Variants in UBAP2 observed in about 807,000 individuals in gnomAD.
UBAP2 encodes the protein ubiquitin-associated protein 2.
Under a neutral mutation model 139.6 loss-of-function variants are expected in UBAP2, and 75 were observed. That is an observed-to-expected ratio of 0.54 (90% CI 0.45 to 0.65). The LOEUF is 0.65. UBAP2 is among the 30% of genes least tolerant of loss of function. The probability of loss-of-function intolerance (pLI) is 0.00; values close to 1 mark genes in which losing one functional copy is unlikely to be tolerated. For missense variants in UBAP2, 1,368 were observed against 1,369.6 expected (o/e 1.00, Z 0.02); for synonymous variants, 526 against 526.2 (o/e 1.00, Z 0.01).
chr9:34,040,705 T>G (rs906399611), intron 1 of UBAP2, among the ~76,000 whole-genome samples: 1 of 152,204 alleles, frequency 6.6e-6, no homozygotes, highest in Non-Finnish European at 1.5e-5. Flanking sequence ...ACATAAAATG[T>G]TGGCAAGGAT....
intron 2 of UBAP2, among the ~76,000 whole-genome samples, chr9:34,009,068 C>G (rs1034821579): frequency 6.8e-6 from 1 of 148,088 alleles, no homozygotes; most frequent in African/African-American, 2.5e-5. Flanking sequence ...TAAAATTATT[C>G]CAAAATAATT....
At chr9:33,992,714 A>G (rs1472578605) in intron 4 of UBAP2, among the ~76,000 whole-genome samples, 1 of 152,076 alleles carries the variant, frequency 6.6e-6, no homozygotes, top group Non-Finnish European at 1.5e-5. Context: ...TTACAATACC[A>G]TAGTAACTGC....
chr9:33,977,594 T>G (rs114212719), intron 6 of UBAP2, among the ~76,000 whole-genome samples: 2 of 152,092 alleles, frequency 1.3e-5, no homozygotes, highest in African/African-American at 2.4e-5. Context: ...TAAACCATAT[T>G]ATGGTAAATG....
In UBAP2 at chr9:33,996,346, T is replaced by A. The variant is rs1440621677; in HGVS notation, c.178-13A>T. 1.3e-6 allele frequency: 2 copies of A among 1,599,322 alleles called. No homozygotes were observed. Among genetic ancestry groups the A allele is most frequent in the South Asian group, 1.1e-5 (1 of 90,552 alleles). Reference sequence around the variant, plus strand: ...TCACTTCCATAAGCTAGTGAACATATCAGAAAATGGTTAGAGGCAAACAAA... The same window carrying A: ...TCACTTCCATAAGCTAGTGAACATAACAGAAAATGGTTAGAGGCAAACAAA... On this transcript the variant is annotated splice_polypyrimidine_tract_variant and intron_variant, in intron 3 of 28. Coordinates refer to ENST00000379238, the MANE Select transcript of UBAP2 (RefSeq NM_001370062.2).
At position 33,954,267 on chromosome 9, in the gene UBAP2, T is replaced by TACACACACACACACACACACAC. The variant is rs368965909; in HGVS notation, c.867-794_867-793insGTGTGTGTGTGTGTGTGTGTGT. 6.8e-4 allele frequency among the ~76,000 whole-genome samples: 69 copies of TACACACACACACACACACACAC among 101,672 alleles called. 1 individual carries two copies. The highest frequency in any genetic ancestry group is 8.6e-4 in the Admixed American group (9 of 10,520). 66.7% of individuals were successfully genotyped at this position (101,672 alleles called of 152,430 possible). ...CCCATAATACATTTAAGTGTGTGTA[T>TACACACACACACACACACACAC]ATACACACACACACACACACACACA... On this transcript the variant is annotated intron_variant, in intron 11 of 28. Coordinates refer to ENST00000379238, the MANE Select transcript of UBAP2 (RefSeq NM_001370062.2).
chr9:33,945,779 G>A (rs752089016), intron 13 of UBAP2, among the ~76,000 whole-genome samples: 1 of 152,118 alleles, frequency 6.6e-6, no homozygotes, highest in Non-Finnish European at 1.5e-5. Flanking sequence ...TCATTTTGGT[G>A]ACTACACAGA....
chr9:33,937,379 G>T (rs1045482735), intron 16 of UBAP2, among the ~76,000 whole-genome samples: 1 of 151,964 alleles, frequency 6.6e-6, no homozygotes, highest in Admixed American at 6.6e-5. Context: ...GGCCAAGGAG[G>T]ACGTATCATT....
intron 10 of UBAP2, among the ~76,000 whole-genome samples, chr9:33,958,056 G>T (rs1005851359): frequency 6.6e-6 from 1 of 152,028 alleles, no homozygotes; most frequent in Non-Finnish European, 1.5e-5. Context: ...CAACCTCCCA[G>T]GCTCAAGCAT....
chr9:33,968,106 TGAATACTCTA>T (rs1467941806), intron 8 of UBAP2: 1 of 501,738 alleles, frequency 2.0e-6, no homozygotes, highest in Non-Finnish European at 3.9e-6. Context: ...TACATTCTCA[TGAATACTCTA>T]GCCATAAAAA....
At chr9:33,982,367 T>TA (rs1201769150) in intron 6 of UBAP2, among the ~76,000 whole-genome samples, 1 of 152,210 alleles carries the variant, frequency 6.6e-6, no homozygotes, top group Non-Finnish European at 1.5e-5. Flanking sequence ...GCTCCACACT[T>TA]ACGACAACTT....
At chr9:34,016,173 G>A (rs1564063820) in intron 2 of UBAP2, among the ~76,000 whole-genome samples, 1 of 145,896 alleles carries the variant, frequency 6.9e-6, no homozygotes, top group African/African-American at 2.5e-5. Flanking sequence ...AGGAGGAGGA[G>A]GAGGAGGAAG....
At chr9:33,980,538 G>A (rs1353816979) in intron 6 of UBAP2, among the ~76,000 whole-genome samples, 3 of 151,880 alleles carry the variant, frequency 2.0e-5, no homozygotes, top group Non-Finnish European at 4.4e-5. Context: ...ACCGCACCCG[G>A]CGAGCGTCAT....
In UBAP2 at chr9:33,998,870, A is replaced by T. The variant is rs1278219381; in HGVS notation, c.100-6T>A. The T allele has an allele frequency of 6.2e-7, 1 of 1,608,084 alleles. No individual in the cohort carries two copies. The highest frequency in any genetic ancestry group is 1.1e-5 in the South Asian group (1 of 90,500). On this transcript the variant is annotated splice_region_variant and splice_polypyrimidine_tract_variant and intron_variant, in intron 2 of 28. Coordinates refer to ENST00000379238, the MANE Select transcript of UBAP2 (RefSeq NM_001370062.2). Reference sequence around the variant, plus strand: ...CGCATCTGTTCAGCTGTTGCCTGGAAAGTACATACAATTGTTAAGGATTTG... The same window carrying T: ...CGCATCTGTTCAGCTGTTGCCTGGATAGTACATACAATTGTTAAGGATTTG...
intron 1 of UBAP2, among the ~76,000 whole-genome samples, chr9:34,047,105 G>T (rs981305422): frequency 1.3e-5 from 2 of 152,016 alleles, no homozygotes; most frequent in Non-Finnish European, 2.9e-5. Flanking sequence ...CACCACTTTC[G>T]GGCATATTTC....
At chr9:33,956,465 C>T (rs1400267998) in intron 10 of UBAP2, among the ~76,000 whole-genome samples, 3 of 151,776 alleles carry the variant, frequency 2.0e-5, no homozygotes, top group South Asian at 2.1e-4. Context: ...CCTCCAGGCA[C>T]GCACCAGCAT....
intron 4 of UBAP2, 154 bp downstream of exon 4, chr9:33,996,069 G>A (rs1373593742): frequency 1.0e-5 from 6 of 578,816 alleles, no homozygotes; most frequent in Non-Finnish European, 1.5e-5. Flanking sequence ...AACAAAAACA[G>A]TCTTTTCAGG....
At chr9:33,934,437 A>C (rs1824277548) in intron 17 of UBAP2, 1 of 155,752 alleles carries the variant, frequency 6.4e-6, no homozygotes, top group African/African-American at 2.4e-5. Context: ...GAGTCTCTAA[A>C]GGAAGGGCAG....
rs1173781682 is a variant in UBAP2, at chr9:33,980,220, C to CTTTTTTTTTTTT, written c.520+6528_520+6539dup. ...TTAATCCAAATCCTGAGTGTCATTT[C>CTTTTTTTTTTTT]TTTTTTTTTTTTTTTTTTTTTTTTT... On this transcript the variant is annotated intron_variant, in intron 6 of 28. Transcript: ENST00000379238. 2.8e-3 allele frequency among the ~76,000 whole-genome samples: 138 copies of CTTTTTTTTTTTT among 49,138 alleles called. 44 individuals carry two copies. Among genetic ancestry groups the CTTTTTTTTTTTT allele is most frequent in the Non-Finnish European group, 4.1e-3 (113 of 27,468 alleles). The allele number at this position is 49,138 out of a possible 152,430, so 32.2% of individuals were successfully genotyped here. A position where few individuals can be genotyped will look rare whatever the true frequency, so the allele number is the denominator to read the frequency against.
At position 33,924,052 on chromosome 9, in the gene UBAP2, G is replaced by C. The variant is rs376308701; in HGVS notation, c.2591-52C>G. 6 of 1,606,320 alleles carry C rather than the reference G, an allele frequency of 3.7e-6. No homozygotes were observed. In the African/African-American group the frequency reaches 8.0e-5, roughly 21 times the overall value. On this transcript the variant is annotated intron_variant, in intron 23 of 28. Transcript: ENST00000379238. The stretch of plus-strand genomic sequence containing the variant: ...CTGCCCTTCCTCCAACCAGAGAAAG[G>C]CCACACTGGCTTCTGCAAACAGGAA...
Sources: allele counts gnomAD v4.1 joint callset (sites outside exome capture counted in the v4.1 genomes callset), GRCh38; gene constraint gnomAD v4.1.1; transcripts MANE v1.5; gene names NCBI Gene and HGNC (gene_info 2026-07-23, HGNC 2026-07-21).